The following PIK3C3 variants were observed in gnomAD, a reference collection of about 807,000 sequenced individuals.
PIK3C3 encodes the protein PI3-kinase type 3.
In PIK3C3, 95 loss-of-function variants were observed where a neutral mutation model predicts 126.1. The observed-to-expected ratio is 0.75, with a 90% confidence interval of 0.64 to 0.89. The LOEUF is 0.89. PIK3C3 is among the 40% of genes least tolerant of loss of function. The pLI, the probability that PIK3C3 is intolerant of heterozygous loss-of-function variation, is 0.00. For synonymous variants in PIK3C3, 374 were observed against 360.0 expected, an observed-to-expected ratio of 1.04 and a Z score of -0.44; for missense variants, 829 against 1,063.2, an observed-to-expected ratio of 0.78 and a Z score of 3.06.
intron 24 of PIK3C3, chr18:42,070,646 A>G (rs1312021850): frequency 1.3e-5 from 2 of 152,188 alleles, no homozygotes; most frequent in African/African-American, 2.4e-5. Flanking sequence ...AGTGATTGAC[A>G]TTGAGGTTAA....
chr18:42,073,652 T>G (rs945435839), intron 24 of PIK3C3, among the ~76,000 whole-genome samples: 26 of 152,130 alleles, frequency 1.7e-4, no homozygotes, highest in Non-Finnish European at 3.4e-4. Flanking sequence ...AGGGAAAAGC[T>G]TCTGATTTTG....
intron 24 of PIK3C3, among the ~76,000 whole-genome samples, chr18:42,075,900 C>T (rs1214606251): frequency 6.7e-6 from 1 of 149,640 alleles, no homozygotes; most frequent in Non-Finnish European, 1.5e-5. Context: ...TTCATCTGCA[C>T]TGAAAATCTG....
At chr18:41,998,719 C>T (rs563526461) in intron 9 of PIK3C3, among the ~76,000 whole-genome samples, 4 of 152,130 alleles carry the variant, frequency 2.6e-5, no homozygotes, top group East Asian at 3.9e-4. Flanking sequence ...GTAGAGTGAA[C>T]GATATGTTTT....
Position 42,081,275 on chromosome 18 carries a change from A to G in PIK3C3, c.*138A>G. Reference sequence around the variant, plus strand: ...CAAGTTACCATATTTTCCAAATATTACATGGTACCTGAGTTCTGCTTCCTT... The same window carrying G: ...CAAGTTACCATATTTTCCAAATATTGCATGGTACCTGAGTTCTGCTTCCTT... On this transcript the variant is annotated 3_prime_UTR_variant, in exon 25 of 25. Transcript: ENST00000262039. 3 of 564,828 alleles carry G rather than the reference A, an allele frequency of 5.3e-6. No individual in the cohort carries two copies. Among genetic ancestry groups the G allele is most frequent in the Non-Finnish European group, 9.5e-6 (3 of 314,956 alleles). The allele number at this position is 564,828 out of a possible 1,614,324, so 35.0% of individuals were successfully genotyped here. A position where few individuals can be genotyped will look rare whatever the true frequency, so the allele number is the denominator to read the frequency against.
At chr18:42,013,709 A>G in intron 11 of PIK3C3, 113 bp downstream of exon 11, 3 of 747,454 alleles carry the variant, frequency 4.0e-6, no homozygotes, top group South Asian at 3.4e-5. Context: ...CTAATTTTGA[A>G]GTTTTACTAG....
At chr18:42,022,874 C>T (rs1333983027) in intron 13 of PIK3C3, among the ~76,000 whole-genome samples, 1 of 151,930 alleles carries the variant, frequency 6.6e-6, no homozygotes, top group African/African-American at 2.4e-5. Flanking sequence ...CTTTAAATGC[C>T]ACCTTTTACC....
At chr18:42,060,259 C>G (rs1374138205) in intron 22 of PIK3C3, among the ~76,000 whole-genome samples, 3 of 152,108 alleles carry the variant, frequency 2.0e-5, no homozygotes, top group Non-Finnish European at 4.4e-5. Context: ...AGTTTCTTCA[C>G]AAAGAATCCA....
At chr18:42,059,861 A>C (rs557073699) in intron 22 of PIK3C3, 2 of 150,158 alleles carry the variant, frequency 1.3e-5, no homozygotes, top group Non-Finnish European at 3.0e-5. Flanking sequence ...TTGACTTCCC[A>C]GGCTCAGATG....
chr18:41,994,215 TAAA>T (rs1568126798), intron 7 of PIK3C3, among the ~76,000 whole-genome samples: 1 of 152,036 alleles, frequency 6.6e-6, no homozygotes, highest in Admixed American at 6.6e-5. Context: ...TATAAAAAGT[TAAA>T]AAGAAAAGGC....
intron 22 of PIK3C3, among the ~76,000 whole-genome samples, chr18:42,058,452 C>G (rs1429282188): frequency 6.6e-6 from 1 of 152,122 alleles, no homozygotes; most frequent in African/African-American, 2.4e-5. Flanking sequence ...ACTTCCTTCT[C>G]CCTAGCTGAC....
At chr18:41,970,227 AT>A (rs1980588524) in intron 3 of PIK3C3, 99 bp from the exon 4 acceptor site, 1 of 995,054 alleles carries the variant, frequency 1.0e-6, no homozygotes, top group African/African-American at 1.6e-5. Flanking sequence ...GGAGATATAC[AT>A]TTCCATGTAT....
At chr18:41,988,197 G>A (rs1449557186) in intron 5 of PIK3C3, among the ~76,000 whole-genome samples, 1 of 152,164 alleles carries the variant, frequency 6.6e-6, no homozygotes, top group Non-Finnish European at 1.5e-5. Context: ...ATCAGCTCAT[G>A]TTCAAGTCAG....
At chr18:42,018,796 C>T (rs1158595866) in intron 12 of PIK3C3, among the ~76,000 whole-genome samples, 8 of 152,064 alleles carry the variant, frequency 5.3e-5, no homozygotes, top group Non-Finnish European at 1.2e-4. Context: ...TGCAGTTCCC[C>T]TGGCAAAAAT....
At chr18:42,045,147 T>G (rs1198444854) in intron 20 of PIK3C3, among the ~76,000 whole-genome samples, 1 of 152,226 alleles carries the variant, frequency 6.6e-6, no homozygotes, top group African/African-American at 2.4e-5. Context: ...TTAGAGTCCT[T>G]TATAGTTTTA....
At chr18:42,057,318 T>G (rs1444579474) in intron 21 of PIK3C3, among the ~76,000 whole-genome samples, 1 of 152,122 alleles carries the variant, frequency 6.6e-6, no homozygotes, top group African/African-American at 2.4e-5. Context: ...AAGTCAGTCT[T>G]TCTTACATAT....
At chr18:42,020,560 A>T in intron 12 of PIK3C3, 78 bp from the exon 13 acceptor site, 1 of 878,334 alleles carries the variant, frequency 1.1e-6, no homozygotes, top group Non-Finnish European at 1.8e-6. Context: ...GAAAACTGAT[A>T]GGCAAATGTA....
In PIK3C3 at chr18:42,081,168, T is replaced by A. The variant is rs1350827643; in HGVS notation, c.*31T>A. Reference sequence around the variant, plus strand: ...GGATTGACCCATCAAGATGCTTGGCTCAATAAGAAAACCACGTTAGGAGCA... The same window carrying A: ...GGATTGACCCATCAAGATGCTTGGCACAATAAGAAAACCACGTTAGGAGCA... On this transcript the variant is annotated 3_prime_UTR_variant, in exon 25 of 25. Transcript: ENST00000262039. The A allele has an allele frequency of 6.4e-7, 1 of 1,551,760 alleles. No individual in the cohort carries two copies. Among genetic ancestry groups the A allele is most frequent in the Non-Finnish European group, 8.8e-7 (1 of 1,131,746 alleles).
In PIK3C3 at chr18:41,981,805, C is replaced by CAA. The variant is rs56360707; in HGVS notation, c.532-5994_532-5993dup. 5.3e-3 allele frequency among the ~76,000 whole-genome samples: 586 copies of CAA among 109,706 alleles called. 3 individuals are homozygous for CAA. Among genetic ancestry groups the CAA allele is most frequent in the South Asian group, 0.029 (111 of 3,866 alleles). The allele number at this position is 109,706 out of a possible 152,430, so 72.0% of individuals were successfully genotyped here. ...TGAAACCCCTTCTGTACTAAAAATACAAAAAAAAAAAAAAGAAAAAATTAG... is the reference window on the plus strand; with the variant it reads ...TGAAACCCCTTCTGTACTAAAAATACAAAAAAAAAAAAAAAAGAAAAAATTAG... On this transcript the variant is annotated intron_variant, in intron 4 of 24. Coordinates refer to ENST00000262039, the MANE Select transcript of PIK3C3 (RefSeq NM_002647.4).
intron 3 of PIK3C3, among the ~76,000 whole-genome samples, chr18:41,964,577 C>A (rs955945262): frequency 1.7e-4 from 26 of 151,860 alleles, no homozygotes; most frequent in Non-Finnish European, 3.2e-4. Flanking sequence ...TACTAGGTAT[C>A]CTTCCTGGGC....
Sources: allele counts gnomAD v4.1 joint callset (sites outside exome capture counted in the v4.1 genomes callset), GRCh38; gene constraint gnomAD v4.1.1; transcripts MANE v1.5; gene names NCBI Gene and HGNC (gene_info 2026-07-23, HGNC 2026-07-21).